Variants in PTPRT observed in about 807,000 individuals in gnomAD.
The protein encoded by PTPRT is protein tyrosine phosphatase receptor type T.
PTPRT carries 56 observed loss-of-function variants against 176.8 expected under a neutral mutation model. The ratio of observed to expected loss-of-function variants is 0.32; its 90% CI spans 0.26 to 0.40. The LOEUF (loss-of-function observed/expected upper bound fraction) is 0.40, where lower values mean the gene tolerates loss of function less well. PTPRT is among the 10% of genes least tolerant of loss of function. PTPRT has a pLI of 1.00. For missense variants in PTPRT, 1,540 were observed against 1,908.2 expected (o/e 0.81, Z 3.60); for synonymous variants, 783 against 739.0 (o/e 1.06, Z -0.96).
intron 4 of PTPRT, among the ~76,000 whole-genome samples, chr20:42,775,738 C>T (rs894361393): frequency 5.3e-5 from 8 of 152,084 alleles, no homozygotes; most frequent in Admixed American, 3.3e-4. Flanking sequence ...ATCAGTCACT[C>T]GCTCCCTGGA....
chr20:42,580,718 T>C (rs6130173), intron 7 of PTPRT, among the ~76,000 whole-genome samples: 1 of 151,872 alleles, frequency 6.6e-6, no homozygotes, highest in Admixed American at 6.6e-5. Context: ...CTGTTATTGA[T>C]GTATAAGAAT....
At chr20:42,942,294 G>C (rs1186837406) in intron 1 of PTPRT, among the ~76,000 whole-genome samples, 1 of 152,200 alleles carries the variant, frequency 6.6e-6, no homozygotes, top group Non-Finnish European at 1.5e-5. Flanking sequence ...CAACAGGAAA[G>C]GTAGGTCATT....
At chr20:42,870,654 A>G (rs2078829706) in intron 2 of PTPRT, among the ~76,000 whole-genome samples, 2 of 152,252 alleles carry the variant, frequency 1.3e-5, no homozygotes, top group South Asian at 4.1e-4. Context: ...AAATTGCATA[A>G]TGACTCATTT....
At chr20:42,060,033 G>A in the PTPRT span, among the ~76,000 whole-genome samples, 1 of 152,120 alleles carries the variant, frequency 6.6e-6, no homozygotes, top group Non-Finnish European at 1.5e-5. Flanking sequence ...GCACTTTGCA[G>A]CTTCCCAAAG....
intron 13 of PTPRT, among the ~76,000 whole-genome samples, chr20:42,272,888 T>C (rs1034697568): frequency 1.3e-5 from 2 of 152,214 alleles, no homozygotes; most frequent in Non-Finnish European, 2.9e-5. Context: ...GTGATTTGCA[T>C]ACCTACTCCC....
At chr20:42,504,298 A>T (rs1057385659) in intron 7 of PTPRT, among the ~76,000 whole-genome samples, 4 of 152,136 alleles carry the variant, frequency 2.6e-5, no homozygotes, top group African/African-American at 9.6e-5. Flanking sequence ...CTTGTTCAGC[A>T]AACATTTGTT....
chr20:42,071,205 G>A (rs1271487909), downstream of PTPRT, among the ~76,000 whole-genome samples: 1 of 152,140 alleles, frequency 6.6e-6, no homozygotes, highest in Admixed American at 6.6e-5. Context: ...TGCGGCTTGT[G>A]TTTCCAGCTC....
At chr20:42,516,099 T>G (rs1173599540) in intron 7 of PTPRT, among the ~76,000 whole-genome samples, 3 of 106,024 alleles carry the variant, frequency 2.8e-5, no homozygotes, top group African/African-American at 1.1e-4. Context: ...CTCTGGGGAC[T>G]GTTGTGGGGT....
intron 21 of PTPRT, 137 bp downstream of exon 21, chr20:42,118,266 T>G: frequency 1.7e-6 from 1 of 593,410 alleles, no homozygotes; most frequent in East Asian, 3.0e-5. Context: ...GGAATAGGAG[T>G]GATGACACCT....
At chr20:42,697,807 T>C (rs2075905899) in intron 6 of PTPRT, among the ~76,000 whole-genome samples, 2 of 152,236 alleles carry the variant, frequency 1.3e-5, no homozygotes, top group Admixed American at 6.5e-5. Context: ...ATGGGGCACA[T>C]TGATGGTCTC....
chr20:42,193,043 C>A (rs771830088), intron 16 of PTPRT, among the ~76,000 whole-genome samples: 13 of 152,178 alleles, frequency 8.5e-5, no homozygotes, highest in Admixed American at 1.3e-4. Context: ...GTAGAGAGAC[C>A]GCTAAAGGTC....
At chr20:42,448,940 T>C (rs1476945052) in intron 8 of PTPRT, among the ~76,000 whole-genome samples, 1 of 152,032 alleles carries the variant, frequency 6.6e-6, no homozygotes, top group Non-Finnish European at 1.5e-5. Flanking sequence ...TTCAAAGCCA[T>C]CCTGGGCTGC....
intron 2 of PTPRT, among the ~76,000 whole-genome samples, chr20:42,818,465 G>C (rs560474117): frequency 6.6e-6 from 1 of 152,154 alleles, no homozygotes; most frequent in East Asian, 1.9e-4. Flanking sequence ...AAACACAAAA[G>C]GCCAGAGTGC....
intron 1 of PTPRT, among the ~76,000 whole-genome samples, chr20:43,151,201 G>A (rs954678397): frequency 1.3e-5 from 2 of 152,116 alleles, no homozygotes; most frequent in Non-Finnish European, 2.9e-5. Context: ...AGCTACTAGG[G>A]AGGCTGAGGC....
Position 43,091,258 on chromosome 20 carries a change from A to G in PTPRT, c.88+98388T>C, listed in dbSNP as rs550544218. On this transcript the variant is annotated intron_variant, in intron 1 of 30. Transcript: ENST00000373187. ...AAAAAACAAACCCTGAAATCTTCCA[A>G]TGTATGTGTGTTGAGAGAAGTGGCG... is the stretch of plus-strand genomic sequence containing the variant. Among the ~76,000 whole-genome samples, 230 of 152,228 alleles carry G rather than the reference A, an allele frequency of 1.5e-3. 1 individual carries two copies. The highest frequency in any genetic ancestry group is 3.0e-3 in the Non-Finnish European group (206 of 67,980).
intron 12 of PTPRT, among the ~76,000 whole-genome samples, chr20:42,301,621 TATAG>T: frequency 6.6e-6 from 1 of 152,150 alleles, no homozygotes; most frequent in East Asian, 1.9e-4. Context: ...AGGGGTGATT[TATAG>T]ACAGATAGAT....
intron 2 of PTPRT, among the ~76,000 whole-genome samples, chr20:42,832,902 G>T (rs2078116152): frequency 6.7e-6 from 1 of 150,284 alleles, no homozygotes; most frequent in Non-Finnish European, 1.5e-5. Context: ...CGAGGAGTTT[G>T]AGATCAGCCT....
intron 1 of PTPRT, among the ~76,000 whole-genome samples, chr20:43,154,895 A>C (rs2014472722): frequency 6.6e-6 from 1 of 152,200 alleles, no homozygotes; most frequent in South Asian, 2.1e-4. Context: ...AAAGACTCGA[A>C]TAGACATTGA....
intron 2 of PTPRT, among the ~76,000 whole-genome samples, chr20:42,861,961 T>C (rs1338139001): frequency 1.3e-5 from 2 of 152,178 alleles, no homozygotes; most frequent in Non-Finnish European, 2.9e-5. Flanking sequence ...AGATCAGCAC[T>C]GTCCAACAGA....
Sources: allele counts gnomAD v4.1 joint callset (sites outside exome capture counted in the v4.1 genomes callset), GRCh38; gene constraint gnomAD v4.1.1; transcripts MANE v1.5; gene names NCBI Gene and HGNC (gene_info 2026-07-23, HGNC 2026-07-21).